Variants in SLC24A4 observed in about 807,000 individuals in gnomAD.
The protein encoded by SLC24A4 is solute carrier family 24 member 4.
SLC24A4 carries 53 observed loss-of-function variants against 79.0 expected under a neutral mutation model. The ratio of observed to expected loss-of-function variants is 0.67; its 90% CI spans 0.54 to 0.84. The LOEUF (loss-of-function observed/expected upper bound fraction) is 0.84. SLC24A4 is among the 40% of genes least tolerant of loss of function. SLC24A4 has a pLI of 0.00. For missense variants in SLC24A4, 731 were observed against 822.0 expected (o/e 0.89, Z 1.35); for synonymous variants, 323 against 323.8 (o/e 1.00, Z 0.03).
At chr14:92,492,052 T>C (rs1394537109) in intron 15 of SLC24A4, 123 bp from the exon 16 acceptor site, 1 of 889,842 alleles carries the variant, frequency 1.1e-6, no homozygotes, top group Non-Finnish European at 1.8e-6. Context: ...GACCATGTGG[T>C]CACCTGTAAA....
chr14:92,345,359 G>A (rs1886465859), intron 2 of SLC24A4, among the ~76,000 whole-genome samples: 1 of 152,204 alleles, frequency 6.6e-6, no homozygotes. Flanking sequence ...GCATGGTGAT[G>A]ACAGCACTGA....
At chr14:92,408,756 T>G (rs1232514403) in intron 2 of SLC24A4, among the ~76,000 whole-genome samples, 1 of 152,242 alleles carries the variant, frequency 6.6e-6, no homozygotes, top group African/African-American at 2.4e-5. Context: ...TTGTTTTACT[T>G]TCTCCATTGT....
chr14:92,489,594 C>T (rs1235482131), intron 14 of SLC24A4, among the ~76,000 whole-genome samples: 1 of 152,080 alleles, frequency 6.6e-6, no homozygotes, highest in Admixed American at 6.5e-5. Flanking sequence ...CCCCGAGCAT[C>T]GGCTTGACCT....
At chr14:92,343,538 G>A (rs1886287927) in intron 2 of SLC24A4, among the ~76,000 whole-genome samples, 1 of 152,050 alleles carries the variant, frequency 6.6e-6, no homozygotes, top group Non-Finnish European at 1.5e-5. Flanking sequence ...TGCCTCTGGG[G>A]TTGAAGTCTG....
chr14:92,418,703 GT>G (rs1032639279), intron 2 of SLC24A4, among the ~76,000 whole-genome samples: 7 of 151,878 alleles, frequency 4.6e-5, no homozygotes, highest in Non-Finnish European at 1.5e-5. Context: ...GATTTGTTTT[GT>G]TTTTTGTTTT....
rs574682808 is a variant in SLC24A4 at position 92,494,361 on chromosome 14, T to C, written c.*733T>C. 6.5e-6 allele frequency: 1 copy of C among 152,734 alleles called. No homozygotes were observed. The highest frequency in any genetic ancestry group is 2.1e-4 in the South Asian group (1 of 4,828). The allele number at this position is 152,734 out of a possible 1,614,324, so 9.5% of individuals were successfully genotyped here. On this transcript the variant is annotated 3_prime_UTR_variant, in exon 17 of 17. Transcript: ENST00000532405. This position sits in a 1 kb window ranked among gnomAD's most constrained non-coding sequence, Gnocchi z 4.6. The stretch of plus-strand genomic sequence containing the variant: ...ATCATACTTGAAAATTATCATTCCA[T>C]ATGAAAGGATCATGATACACACCAA...
At chr14:92,482,628 C>G in intron 12 of SLC24A4, 52 bp from the exon 13 acceptor site, 1 of 1,522,246 alleles carries the variant, frequency 6.6e-7, no homozygotes, top group Admixed American at 1.9e-5. Context: ...AGGTGTGTTA[C>G]CCAGTGTCTT....
rs1418803758 is a variant in SLC24A4 at position 92,494,249 on chromosome 14, G to A, written c.*621G>A. On this transcript the variant is annotated 3_prime_UTR_variant, in exon 17 of 17. Transcript: ENST00000532405. The surrounding 1 kb of genome is among the most constrained non-coding windows in gnomAD (Gnocchi z 4.6). ...AAATAATTTTTTTCTGTGGAAGAGA[G>A]AAAATGAGTGAATATTCTTCTCACT... 6.5e-6 allele frequency: 1 copy of A among 152,714 alleles called. No individual in the cohort carries two copies. The highest frequency in any genetic ancestry group is 1.5e-5 in the Non-Finnish European group (1 of 68,130). The allele number at this position is 152,714 out of a possible 1,614,324, so 9.5% of individuals were successfully genotyped here.
intron 2 of SLC24A4, among the ~76,000 whole-genome samples, chr14:92,346,103 T>C (rs1443236705): frequency 6.6e-6 from 1 of 152,030 alleles, no homozygotes; most frequent in Admixed American, 6.6e-5. Flanking sequence ...GCCGGGGCCC[T>C]GAGGAGGGCA....
chr14:92,346,626 G>A (rs1051043749), intron 2 of SLC24A4, among the ~76,000 whole-genome samples: 6 of 152,176 alleles, frequency 3.9e-5, no homozygotes, highest in African/African-American at 1.4e-4. Context: ...GCTTGCAGTG[G>A]TAGTTGTACT....
chr14:92,396,340 T>G (rs889504706), intron 2 of SLC24A4, among the ~76,000 whole-genome samples: 1 of 152,186 alleles, frequency 6.6e-6, no homozygotes, highest in African/African-American at 2.4e-5. Context: ...CTGCCCCTAC[T>G]CCCTTCAATT....
In SLC24A4 at chr14:92,499,391, C is replaced by T. The variant is rs1356463616; in HGVS notation, c.*5763C>T. 1.3e-5 allele frequency: 2 copies of T among 152,218 alleles called. No individual in the cohort carries two copies. Among genetic ancestry groups the T allele is most frequent in the East Asian group, 3.8e-4 (2 of 5,198 alleles). The allele number at this position is 152,218 out of a possible 1,614,324, so 9.4% of individuals were successfully genotyped here. A position where few individuals can be genotyped will look rare whatever the true frequency, so the allele number is the denominator to read the frequency against. ...AGAGTGCCTGTGGGAAAGCCAAGCC[C>T]TTGGCTGTGTGGCTTTTCTATCCCT... On this transcript the variant is annotated 3_prime_UTR_variant, in exon 17 of 17. Transcript: ENST00000532405.
chr14:92,457,158 AC>A (rs1893522107), intron 12 of SLC24A4: 1 of 158,490 alleles, frequency 6.3e-6, no homozygotes, highest in African/African-American at 2.4e-5. Flanking sequence ...CTCCCATCTC[AC>A]TTGGAGTCTG....
At chr14:92,400,618 T>C (rs891273704) in intron 2 of SLC24A4, among the ~76,000 whole-genome samples, 1 of 152,118 alleles carries the variant, frequency 6.6e-6, no homozygotes, top group Non-Finnish European at 1.5e-5. Flanking sequence ...CAGTTAGGCA[T>C]GCCCATCCCT....
At chr14:92,444,932 TACACACACACACACACAC>T (rs10548937) in intron 7 of SLC24A4, among the ~76,000 whole-genome samples, 365 of 142,942 alleles carry the variant, frequency 2.6e-3, no homozygotes, top group African/African-American at 8.9e-3. Flanking sequence ...TACACACACA[TACACACACACACACACAC>T]ACACACACAC....
chr14:92,483,992 T>C, intron 13 of SLC24A4: 1 of 985,372 alleles, frequency 1.0e-6, no homozygotes, highest in Non-Finnish European at 1.2e-6. Context: ...CTGGATCACA[T>C]GAGAACAGCG....
At position 92,431,861 on chromosome 14, in the gene SLC24A4, T is replaced by A. The variant is rs368180135; in HGVS notation, c.242-2051T>A. On this transcript the variant is annotated intron_variant, in intron 2 of 16. Transcript: ENST00000532405. ...GTCGAGCTAGGACTCCAGTCGACAG[T>A]GTGGCGTGATTTCCACTTGGCCAGA... Among the ~76,000 whole-genome samples the A allele has an allele frequency of 2.7e-4, 41 of 152,302 alleles. No homozygotes were observed. In the East Asian group the frequency reaches 4.8e-3, roughly 18 times the overall value.
At chr14:92,376,732 T>A (rs755020944) in intron 2 of SLC24A4, among the ~76,000 whole-genome samples, 9 of 152,246 alleles carry the variant, frequency 5.9e-5, no homozygotes, top group East Asian at 1.9e-4. Context: ...GGTTTTTAGG[T>A]TCCTGGAATC....
intron 2 of SLC24A4, among the ~76,000 whole-genome samples, chr14:92,431,672 C>T (rs929019196): frequency 2.0e-5 from 3 of 152,224 alleles, no homozygotes; most frequent in Non-Finnish European, 4.4e-5. Context: ...TGATTCGTCA[C>T]CGTAGAAGCC....
Sources: allele counts gnomAD v4.1 joint callset (sites outside exome capture counted in the v4.1 genomes callset), GRCh38; gene constraint gnomAD v4.1.1; non-coding constraint Gnocchi (gnomAD v3.1); transcripts MANE v1.5; gene names NCBI Gene and HGNC (gene_info 2026-07-23, HGNC 2026-07-21).